GLI2: variants seen among roughly 807,000 people sequenced by gnomAD.
GLI2 encodes GLI family zinc finger 2.
Under a neutral mutation model 78.9 loss-of-function variants are expected in GLI2, and 22 were observed. That is an observed-to-expected ratio of 0.28 (90% confidence interval 0.20 to 0.40). The LOEUF is 0.40. GLI2 is among the 10% of genes least tolerant of loss of function. GLI2 has a pLI of 1.00. For missense variants in GLI2, 2,097 were observed against 2,213.2 expected, an observed-to-expected ratio of 0.95 and a Z score of 1.05; for synonymous variants, 974 against 963.7, an observed-to-expected ratio of 1.01 and a Z score of -0.20.
rs982590232 is a variant in GLI2, at chr2:120,990,844, C to T, written c.*169C>T. 12 of 604,012 alleles carry T rather than the reference C, an allele frequency of 2.0e-5. No homozygotes were observed. In the South Asian group the frequency reaches 2.2e-4, roughly 11 times the overall value. 37.4% of individuals were successfully genotyped at this position (604,012 alleles called of 1,614,324 possible). On this transcript the variant is annotated 3_prime_UTR_variant, in exon 14 of 14. Coordinates refer to ENST00000361492, the MANE Select transcript of GLI2 (RefSeq NM_001374353.1). ...GTTGTAAGAGAAGGTTTATGGGCAT[C>T]CTCTCTGGTCTTTTGGATTATTCCT...
chr2:120,971,603 T>C (rs1682174629), intron 7 of GLI2, among the ~76,000 whole-genome samples: 1 of 152,184 alleles, frequency 6.6e-6, no homozygotes, highest in African/African-American at 2.4e-5. Context: ...AGACCCACAG[T>C]GTCCCCTGCT....
intron 1 of GLI2, among the ~76,000 whole-genome samples, chr2:120,738,996 A>G (rs1682448863): frequency 6.8e-6 from 1 of 146,226 alleles, no homozygotes; most frequent in Non-Finnish European, 1.5e-5. Context: ...CACCGAATGC[A>G]GAGTCAATCC....
At chr2:120,791,208 C>T (rs932717057) in intron 1 of GLI2, among the ~76,000 whole-genome samples, 16 of 152,180 alleles carry the variant, frequency 1.1e-4, no homozygotes, top group African/African-American at 3.6e-4. Context: ...GGAACCCTTA[C>T]GTTCCCCACG....
chr2:120,756,773 A>G lies in GLI2; in HGVS notation c.-31+20488A>G, dbSNP rs1683044694. ...ATCCTTTGTTCTGGCTGCTTTTATG[A>G]TTTTCTGTGGGTTTGTAGTTTTTAT... On this transcript the variant is annotated intron_variant, in intron 1 of 13. Transcript: ENST00000361492. 3.3e-5 allele frequency among the ~76,000 whole-genome samples: 5 copies of G among 151,672 alleles called. No individual in the cohort carries two copies. In the South Asian group the frequency reaches 8.3e-4, roughly 25 times the overall value.
chr2:120,982,539 GT>G (rs1377993838), intron 10 of GLI2, among the ~76,000 whole-genome samples, 176 bp from the exon 11 acceptor site: 1 of 152,050 alleles, frequency 6.6e-6, no homozygotes, highest in Non-Finnish European at 1.5e-5. Flanking sequence ...TTTTCTCTTT[GT>G]ACCTTTCAGC....
chr2:120,860,251 G>C (rs148598296), intron 2 of GLI2, among the ~76,000 whole-genome samples: 1 of 152,160 alleles, frequency 6.6e-6, no homozygotes, highest in Non-Finnish European at 1.5e-5. Context: ...AAGGTCAAGC[G>C]GTCAGTACCA....
intron 2 of GLI2, among the ~76,000 whole-genome samples, chr2:120,842,179 T>C (rs1686918686): frequency 6.6e-6 from 1 of 151,906 alleles, no homozygotes; most frequent in Non-Finnish European, 1.5e-5. Context: ...AGCCCCCTGG[T>C]TCCCCTCCCT....
rs1222417631 is a variant in GLI2 at position 120,989,229 on chromosome 2, C to T, written c.3264C>T (p.His1088=). 6.2e-7 allele frequency: 1 copy of T among 1,613,160 alleles called. No individual in the cohort carries two copies. Among genetic ancestry groups the T allele is most frequent in the East Asian group, 2.2e-5 (1 of 44,874 alleles). Residue 1088 remains histidine (H), a synonymous_variant, in exon 14 of 14, where the codon CAC becomes CAT. Transcript: ENST00000361492. ...DNPRLPSPGL[H]GQRRMVAADS... is the part of the protein sequence containing the mutation. Reference sequence around the variant, plus strand: ...CCAGACTACCCAGCCCGGGGCTGCACGGCCAGCGCAGGATGGTGGCTGCGG... The same window carrying T: ...CCAGACTACCCAGCCCGGGGCTGCATGGCCAGCGCAGGATGGTGGCTGCGG...
At chr2:120,821,747 T>C (rs1347755321) in intron 2 of GLI2, among the ~76,000 whole-genome samples, 1 of 152,156 alleles carries the variant, frequency 6.6e-6, no homozygotes, top group Non-Finnish European at 1.5e-5. Flanking sequence ...AACCAGTGCT[T>C]TACGAGGTTG....
intron 2 of GLI2, among the ~76,000 whole-genome samples, chr2:120,866,126 A>C (rs1157557764): frequency 6.6e-6 from 1 of 152,248 alleles, no homozygotes; most frequent in Non-Finnish European, 1.5e-5. Context: ...CGCCTCCTGC[A>C]TAAGAAACAT....
intron 2 of GLI2, among the ~76,000 whole-genome samples, chr2:120,850,132 G>A (rs372052049): frequency 9.4e-5 from 14 of 149,472 alleles, no homozygotes; most frequent in African/African-American, 3.5e-4. Flanking sequence ...GGTTATACAA[G>A]AACAATACAA....
In GLI2 at chr2:120,990,100, G is replaced by A. The variant is rs751479828; in HGVS notation, c.4135G>A (p.Ala1379Thr). 8.6e-5 allele frequency: 138 copies of A among 1,599,616 alleles called. No individual in the cohort carries two copies. Among genetic ancestry groups the A allele is most frequent in the South Asian group, 3.4e-5 (3 of 89,400 alleles). The change falls in exon 14 of 14, where the codon GCC (alanine) becomes ACC (threonine). Residue 1379 changes from alanine (A) to threonine (T), a missense_variant. Physicochemically the swap from Ala to Thr is moderately conservative, Grantham distance 58. Around this residue, in one of 5 missense-constraint regions of GLI2, gnomAD observed 1,290 missense variants for 1,261.7 expected, o/e 1.02. Transcript: ENST00000361492. ...TGCTGTGCAGCAGCAGCTGGCCTAC[G>A]CCAGGGCCACAGGCCATGCCATGGC... ...VRAVQQQLAY[A>T]RATGHAMAAM...
intron 2 of GLI2, among the ~76,000 whole-genome samples, chr2:120,907,106 C>G (rs1678571815): frequency 6.6e-6 from 1 of 152,200 alleles, no homozygotes; most frequent in Non-Finnish European, 1.5e-5. Flanking sequence ...TTACATCAAA[C>G]AAGCCTAGTC....
rs78032379 is a variant in GLI2, at chr2:120,773,631, A to G, written c.-30-23660A>G. On this transcript the variant is annotated intron_variant, in intron 1 of 13. Transcript: ENST00000361492. ...GCGTGCTTGGGTACAGTAGCGGCAC[A>G]GTATCTGCCCTCAGGTAGCCCCCAG... Among the ~76,000 whole-genome samples, 165 of 152,290 alleles carry G rather than the reference A, an allele frequency of 1.1e-3. No homozygotes were observed. In the East Asian group the frequency reaches 0.024, roughly 22 times the overall value.
In GLI2 at chr2:120,788,434, A is replaced by G. The variant is rs148064617; in HGVS notation, c.-30-8857A>G. Among the ~76,000 whole-genome samples the G allele has an allele frequency of 6.0e-3, 913 of 152,342 alleles. 7 individuals carry two copies. The highest frequency in any genetic ancestry group is 0.021 in the African/African-American group (854 of 41,594). On this transcript the variant is annotated intron_variant, in intron 1 of 13. Coordinates refer to ENST00000361492, the MANE Select transcript of GLI2 (RefSeq NM_001374353.1). The stretch of plus-strand genomic sequence containing the variant: ...GATTGGAGAGGGCCTGCTGGCTTTC[A>G]GGGAGTAAATCCCAGTGGAAACAAA...
intron 2 of GLI2, among the ~76,000 whole-genome samples, chr2:120,896,848 C>T (rs1000431313): frequency 4.8e-4 from 73 of 152,186 alleles, no homozygotes; most frequent in African/African-American, 1.7e-3. Flanking sequence ...TTCATTTTTA[C>T]CCTATGTAGT....
At chr2:120,974,855 C>A in intron 8 of GLI2, 120 bp from the exon 9 acceptor site, 1 of 1,373,710 alleles carries the variant, frequency 7.3e-7, no homozygotes, top group Middle Eastern at 2.3e-4. Context: ...CACACACTTG[C>A]ATCCACACCT....
rs865855247 is a variant in GLI2 at position 120,957,358 on chromosome 2, A to G, written c.643+1928A>G. Among the ~76,000 whole-genome samples the G allele has an allele frequency of 1.3e-4, 20 of 152,244 alleles. No individual in the cohort carries two copies. In the South Asian group the frequency reaches 1.9e-3, roughly 14 times the overall value. ...CGTCCCTCTGAGTACACACACATCC[A>G]TGTGCTCTGTTCCCCTCTCCTCTCA... On this transcript the variant is annotated intron_variant, in intron 5 of 13. Coordinates refer to ENST00000361492, the MANE Select transcript of GLI2 (RefSeq NM_001374353.1).
At chr2:120,941,258 TA>T (rs1482195504) in intron 3 of GLI2, among the ~76,000 whole-genome samples, 1 of 152,198 alleles carries the variant, frequency 6.6e-6, no homozygotes, top group East Asian at 1.9e-4. Context: ...GTATGGCTCT[TA>T]AAAAATGCAA....
Sources: gnomAD v4.1 joint callset for allele counts (sites outside exome capture counted in the v4.1 genomes callset) on GRCh38, gnomAD v4.1.1 for gene constraint, gnomAD v4.1.1 regional missense constraint, MANE v1.5 for transcripts, NCBI Gene and HGNC (gene_info 2026-07-23, HGNC 2026-07-21) for gene names.